The following GALNT13 variants were observed in gnomAD, a reference collection of about 807,000 sequenced individuals.
The protein encoded by GALNT13 is polypeptide N-acetylgalactosaminyltransferase 13.
GALNT13 carries 28 observed loss-of-function variants against 64.2 expected under a neutral mutation model. The ratio of observed to expected loss-of-function variants is 0.44; its 90% confidence interval spans 0.32 to 0.60. The LOEUF (loss-of-function observed/expected upper bound fraction) is 0.60, where lower values mean the gene tolerates loss of function less well. Among genes scored for constraint, GALNT13 ranks in the 20% least tolerant of loss-of-function variants. GALNT13 has a pLI of 0.05. For synonymous variants in GALNT13, 214 were observed against 224.6 expected (o/e 0.95, Z 0.42); for missense variants, 577 against 669.8 (o/e 0.86, Z 1.53).
chr2:153,874,435 G>A (rs945303980), intron 1 of GALNT13, among the ~76,000 whole-genome samples: 1 of 151,856 alleles, frequency 6.6e-6, no homozygotes, highest in South Asian at 2.1e-4. Flanking sequence ...ACTGTGTCTC[G>A]GATCCGCTTT....
rs948904832 is a variant in GALNT13, at chr2:154,041,395, G to A, written c.142+96756G>A. On this transcript the variant is annotated intron_variant, in intron 3 of 12. Coordinates refer to ENST00000392825, the MANE Select transcript of GALNT13 (RefSeq NM_052917.4). ...ATCTCTTGAGAGTTTTGAGATTAGT[G>A]TAGAAATATGCAATTTTTTATTCCT... Among the ~76,000 whole-genome samples the A allele has an allele frequency of 5.7e-5, 8 of 140,274 alleles. 1 individual carries two copies. The highest frequency in any genetic ancestry group is 1.1e-4 in the Non-Finnish European group (7 of 61,062). 92.0% of individuals were successfully genotyped at this position (140,274 alleles called of 152,430 possible).
rs574584759 is a variant in GALNT13 at position 153,884,363 on chromosome 2, C to T, written c.-177+12060C>T. The stretch of plus-strand genomic sequence containing the variant: ...CCACTCTCTGTGGAGGCATCATAAT[C>T]CATAAAGATATTGGGATTTAAAGAT... On this transcript the variant is annotated intron_variant, in intron 1 of 12. Transcript: ENST00000392825. Among the ~76,000 whole-genome samples, 3 of 151,806 alleles carry T rather than the reference C, an allele frequency of 2.0e-5. No homozygotes were observed. The South Asian group carries it at 6.3e-4, about 32-fold the overall frequency.
intron 9 of GALNT13, among the ~76,000 whole-genome samples, chr2:154,356,219 A>C (rs1263650258): frequency 6.6e-6 from 1 of 151,972 alleles, no homozygotes; most frequent in Non-Finnish European, 1.5e-5. Flanking sequence ...TTTAAATCTA[A>C]CTGCTAAGTA....
chr2:153,131,293 C>T, the GALNT13 span, among the ~76,000 whole-genome samples: 1 of 152,116 alleles, frequency 6.6e-6, no homozygotes, highest in Non-Finnish European at 1.5e-5. Flanking sequence ...CCTGATTACT[C>T]ATTTATATTT....
At chr2:154,428,177 A>G (rs1700551315) in intron 11 of GALNT13, among the ~76,000 whole-genome samples, 1 of 152,304 alleles carries the variant, frequency 6.6e-6, no homozygotes, top group East Asian at 1.9e-4. Context: ...CAATGACTAA[A>G]TAATGGGTGT....
At chr2:153,672,137 G>A in the GALNT13 span, among the ~76,000 whole-genome samples, 79 of 152,290 alleles carry the variant, frequency 5.2e-4, no homozygotes, top group African/African-American at 1.6e-3. Context: ...ATATTAGACA[G>A]ATCAGAGAGA....
rs1191925514 is a variant in GALNT13 at position 154,068,343 on chromosome 2, C to A, written c.143-71994C>A. 2.0e-5 allele frequency among the ~76,000 whole-genome samples: 3 copies of A among 151,868 alleles called. No homozygotes were observed. The East Asian group carries it at 5.8e-4, about 29-fold the overall frequency. ...ACTAAAAATGGATCTGCCATATGAT[C>A]CTGCAATCCCACTTCTAGGTATATA... is the stretch of plus-strand genomic sequence containing the variant. On this transcript the variant is annotated intron_variant, in intron 3 of 12. Coordinates refer to ENST00000392825, the MANE Select transcript of GALNT13 (RefSeq NM_052917.4).
intron 3 of GALNT13, among the ~76,000 whole-genome samples, chr2:154,085,959 GTTTAA>G (rs1362110030): frequency 1.3e-5 from 2 of 151,738 alleles, no homozygotes; most frequent in Non-Finnish European, 2.9e-5. Context: ...AATTTGGCCT[GTTTAA>G]TTTGACAATG....
intron 2 of GALNT13, among the ~76,000 whole-genome samples, chr2:153,927,559 G>T (rs1690235933): frequency 6.6e-6 from 1 of 151,736 alleles, no homozygotes; most frequent in Admixed American, 6.6e-5. Context: ...ATCATCTTTA[G>T]CAATATTATA....
chr2:153,125,286 A>T, the GALNT13 span, among the ~76,000 whole-genome samples: 1 of 152,214 alleles, frequency 6.6e-6, no homozygotes, highest in Non-Finnish European at 1.5e-5. Context: ...TGACACTGTG[A>T]TGCTGATGAA....
the GALNT13 span, chr2:153,159,168 G>A: frequency 6.5e-6 from 1 of 152,794 alleles, no homozygotes; most frequent in Non-Finnish European, 1.5e-5. Flanking sequence ...AGGACCTTAT[G>A]TGTTTGGAAC....
At chr2:153,897,346 T>C (rs1687955824) in intron 1 of GALNT13, among the ~76,000 whole-genome samples, 1 of 152,102 alleles carries the variant, frequency 6.6e-6, no homozygotes. Flanking sequence ...TGGAGCGCAA[T>C]ATTCTCAATT....
At chr2:153,419,558 G>T in the GALNT13 span, among the ~76,000 whole-genome samples, 2 of 152,212 alleles carry the variant, frequency 1.3e-5, no homozygotes, top group African/African-American at 4.8e-5. Flanking sequence ...CAAGGAAAGG[G>T]TGTGAACAAT....
At chr2:154,166,041 C>T (rs1685001484) in intron 4 of GALNT13, among the ~76,000 whole-genome samples, 1 of 152,144 alleles carries the variant, frequency 6.6e-6, no homozygotes, top group Non-Finnish European at 1.5e-5. Context: ...TAAGGTCTCA[C>T]GTGTCTAAAC....
chr2:154,211,433 C>G (rs752417678), intron 4 of GALNT13, among the ~76,000 whole-genome samples: 12 of 151,632 alleles, frequency 7.9e-5, no homozygotes, highest in African/African-American at 2.4e-4. Context: ...TCCAGACCAG[C>G]CTGACCAACA....
chr2:154,007,927 C>T (rs1410809083), intron 3 of GALNT13, among the ~76,000 whole-genome samples: 3 of 149,190 alleles, frequency 2.0e-5, no homozygotes, highest in African/African-American at 4.9e-5. Flanking sequence ...TTGTATTCAA[C>T]GCAAAGATAG....
the GALNT13 span, among the ~76,000 whole-genome samples, chr2:153,812,633 G>A: frequency 2.0e-5 from 3 of 152,062 alleles, no homozygotes; most frequent in African/African-American, 7.2e-5. Flanking sequence ...ATTTAGCTGT[G>A]GCCATTCCTA....
chr2:154,432,765 G>A (rs1016864010), intron 11 of GALNT13, among the ~76,000 whole-genome samples: 2 of 152,110 alleles, frequency 1.3e-5, no homozygotes, highest in African/African-American at 4.8e-5. Context: ...AGTCCTTTTA[G>A]ATTAAGGGCC....
chr2:154,007,498 GT>G (rs1574316002), intron 3 of GALNT13, among the ~76,000 whole-genome samples: 1 of 151,928 alleles, frequency 6.6e-6, no homozygotes, highest in East Asian at 1.9e-4. Flanking sequence ...ATGTTTTCAA[GT>G]TGTGTTAGTA....
Sources: allele counts gnomAD v4.1 joint callset (sites outside exome capture counted in the v4.1 genomes callset), GRCh38; gene constraint gnomAD v4.1.1; transcripts MANE v1.5; gene names NCBI Gene and HGNC (gene_info 2026-07-23, HGNC 2026-07-21).